ADAM18: variants seen among roughly 807,000 people sequenced by gnomAD.
The protein encoded by ADAM18 is disintegrin and metalloproteinase domain-containing protein 18.
Under a neutral mutation model 94.4 loss-of-function variants are expected in ADAM18, and 117 were observed. The ratio of observed to expected loss-of-function variants is 1.24; its 90% CI spans 1.07 to 1.45. The LOEUF (loss-of-function observed/expected upper bound fraction) is 1.45. ADAM18 is among the 40% of genes most tolerant of loss of function. The pLI, the probability that ADAM18 is intolerant of heterozygous loss-of-function variation, is 0.00. For synonymous variants in ADAM18, 327 were observed against 291.6 expected (o/e 1.12, Z -1.24); for missense variants, 936 against 880.0 (o/e 1.06, Z -0.81).
In ADAM18 at chr8:39,723,854, TAAAAG is replaced by T. The variant is rs775977376; in HGVS notation, c.2128_2132del (p.Arg710Ter). 2 of 1,573,508 alleles carry T rather than the reference TAAAAG, an allele frequency of 1.3e-6. No homozygotes were observed. Among genetic ancestry groups the T allele is most frequent in the South Asian group, 2.4e-5 (2 of 83,990 alleles). On this transcript the variant is annotated frameshift_variant, in exon 19 of 20. Coordinates refer to ENST00000265707, the MANE Select transcript of ADAM18 (RefSeq NM_014237.3). LOFTEE classifies it high-confidence loss of function. ...TCATAGTTTTCACCACTGTGATCTT[TAAAAG>T]AAATGAAATAAGTAAATCATGTAAC...
intron 6 of ADAM18, chr8:39,611,020 T>A: frequency 9.1e-7 from 1 of 1,099,730 alleles, no homozygotes; most frequent in Non-Finnish European, 1.1e-6. Flanking sequence ...AAATTACTTT[T>A]AATATTTTGT....
intron 8 of ADAM18, 36 bp from the exon 9 acceptor site, chr8:39,637,501 G>A: frequency 6.6e-7 from 1 of 1,521,196 alleles, no homozygotes; most frequent in South Asian, 1.3e-5. Context: ...GTAATAACTT[G>A]TTTCTTTAAA....
chr8:39,655,885 G>A (rs890655824), intron 12 of ADAM18, among the ~76,000 whole-genome samples: 1 of 151,572 alleles, frequency 6.6e-6, no homozygotes, highest in Non-Finnish European at 1.5e-5. Context: ...ATAATACCCA[G>A]GAACATGAAA....
intron 2 of ADAM18, among the ~76,000 whole-genome samples, chr8:39,597,190 G>A (rs898183853): frequency 6.6e-6 from 1 of 151,932 alleles, no homozygotes; most frequent in Non-Finnish European, 1.5e-5. Context: ...TTATCATATA[G>A]GCCTTTTGCA....
intron 3 of ADAM18, among the ~76,000 whole-genome samples, chr8:39,607,460 A>T (rs777158198): frequency 2.6e-5 from 4 of 152,192 alleles, no homozygotes; most frequent in Non-Finnish European, 5.9e-5. Flanking sequence ...ATTCATGACT[A>T]CCCTACTTAA....
At chr8:39,608,917 T>C (rs1819175130) in intron 3 of ADAM18, 125 bp from the exon 4 acceptor site, 1 of 629,052 alleles carries the variant, frequency 1.6e-6, no homozygotes, top group Non-Finnish European at 2.7e-6. Context: ...CTAAAATCAC[T>C]CAATTAAATC....
intron 16 of ADAM18, among the ~76,000 whole-genome samples, chr8:39,686,708 AAAC>A (rs1430912020): frequency 3.9e-5 from 6 of 152,218 alleles, no homozygotes; most frequent in Non-Finnish European, 5.9e-5. Flanking sequence ...GACATACGAA[AAAC>A]AACATTAATT....
chr8:39,637,712 A>T lies in ADAM18; in HGVS notation c.827+9A>T, dbSNP rs866192798. ...ATAGCATACTTACTTGTGTAAGCAC[A>T]ATGTTCTACATTAATAAAGATATCT... On this transcript the variant is annotated intron_variant, in intron 9 of 19. Coordinates refer to ENST00000265707, the MANE Select transcript of ADAM18 (RefSeq NM_014237.3). 6.3e-7 allele frequency: 1 copy of T among 1,574,956 alleles called. No individual in the cohort carries two copies. The highest frequency in any genetic ancestry group is 8.6e-7 in the Non-Finnish European group (1 of 1,162,176).
At chr8:39,637,516 T>C in intron 8 of ADAM18, 21 bp from the exon 9 acceptor site, 2 of 1,574,480 alleles carry the variant, frequency 1.3e-6, no homozygotes, top group Non-Finnish European at 8.6e-7. Flanking sequence ...TTTAAAAATG[T>C]ACAATACATC....
intron 12 of ADAM18, among the ~76,000 whole-genome samples, chr8:39,660,074 A>T (rs776518598): frequency 3.9e-5 from 6 of 152,160 alleles, no homozygotes; most frequent in Non-Finnish European, 8.8e-5. Context: ...AAGCCTTATG[A>T]TAACCACAAC....
intron 12 of ADAM18, among the ~76,000 whole-genome samples, chr8:39,655,875 A>G (rs1468660985): frequency 6.6e-6 from 1 of 152,054 alleles, no homozygotes; most frequent in Non-Finnish European, 1.5e-5. Context: ...AGCATCTACA[A>G]TAATACCCAG....
At chr8:39,614,674 A>T (rs538831835) in intron 6 of ADAM18, among the ~76,000 whole-genome samples, 1 of 152,324 alleles carries the variant, frequency 6.6e-6, no homozygotes, top group Non-Finnish European at 1.5e-5. Context: ...GGCAGGTTGC[A>T]TGAAGAAGCA....
At chr8:39,595,768 C>A (rs1261883161) in intron 2 of ADAM18, among the ~76,000 whole-genome samples, 1 of 152,190 alleles carries the variant, frequency 6.6e-6, no homozygotes, top group Non-Finnish European at 1.5e-5. Context: ...AAGTGATCCA[C>A]CCACCTCGGC....
chr8:39,650,243 T>C (rs1273155864), intron 12 of ADAM18, among the ~76,000 whole-genome samples: 1 of 152,168 alleles, frequency 6.6e-6, no homozygotes, highest in Non-Finnish European at 1.5e-5. Flanking sequence ...TGAAAACCAA[T>C]TGTAGGCTTT....
At chr8:39,690,523 A>T (rs181450300) in intron 16 of ADAM18, among the ~76,000 whole-genome samples, 1 of 152,132 alleles carries the variant, frequency 6.6e-6, no homozygotes, top group Admixed American at 6.5e-5. Flanking sequence ...TTTTCTTTTT[A>T]TACTGTGAAA....
intron 17 of ADAM18, among the ~76,000 whole-genome samples, chr8:39,699,375 T>A (rs1229863298): frequency 6.6e-6 from 1 of 152,098 alleles, no homozygotes; most frequent in Non-Finnish European, 1.5e-5. Context: ...TATTTTTTAT[T>A]ATTTAATTAT....
chr8:39,660,244 T>G (rs1820800414), intron 12 of ADAM18, among the ~76,000 whole-genome samples: 1 of 152,152 alleles, frequency 6.6e-6, no homozygotes, highest in Non-Finnish European at 1.5e-5. Context: ...AGTCAATTCT[T>G]GCCTATAAAT....
intron 10 of ADAM18, 76 bp downstream of exon 10, chr8:39,638,622 G>C: frequency 6.2e-6 from 5 of 808,660 alleles, no homozygotes; most frequent in Non-Finnish European, 9.2e-6. Context: ...AATTTAAGTA[G>C]TTAAATAGTG....
intron 11 of ADAM18, among the ~76,000 whole-genome samples, chr8:39,647,852 G>A (rs1272145507): frequency 6.6e-6 from 1 of 152,156 alleles, no homozygotes; most frequent in Non-Finnish European, 1.5e-5. Context: ...CAAGGTTGGG[G>A]CAAAGTGGCT....
Sources: allele counts gnomAD v4.1 joint callset (sites outside exome capture counted in the v4.1 genomes callset), GRCh38; gene constraint gnomAD v4.1.1; transcripts MANE v1.5; gene names NCBI Gene and HGNC (gene_info 2026-07-23, HGNC 2026-07-21).